Variants in QPCT observed in about 807,000 individuals in gnomAD.
The protein encoded by QPCT is EC.
QPCT carries 44 observed loss-of-function variants against 43.4 expected under a neutral mutation model. The observed-to-expected ratio is 1.01, with a 90% CI of 0.80 to 1.30. QPCT has a LOEUF of 1.30. Ranked by LOEUF, QPCT falls within the 50% of genes most tolerant of loss-of-function variation. The pLI, the probability that QPCT is intolerant of heterozygous loss-of-function variation, is 0.00. For synonymous variants in QPCT, 168 were observed against 168.4 expected (o/e 1.00, Z 0.02); for missense variants, 526 against 436.5 (o/e 1.21, Z -1.83).
chr2:37,369,865 A>T, intron 5 of QPCT, 81 bp downstream of exon 5: 1 of 1,369,326 alleles, frequency 7.3e-7, no homozygotes, highest in East Asian at 2.4e-5. Flanking sequence ...TAAAATTTAT[A>T]ATTTGGCTGG....
intron 1 of QPCT, among the ~76,000 whole-genome samples, chr2:37,347,194 C>CATAT (rs34463193): frequency 4.1e-5 from 2 of 48,806 alleles, no homozygotes; most frequent in Non-Finnish European, 6.8e-5. Context: ...ATATATATAA[C>CATAT]ATATATATAT....
intron 1 of QPCT, among the ~76,000 whole-genome samples, chr2:37,350,960 G>A (rs1011688801): frequency 6.6e-6 from 1 of 152,236 alleles, no homozygotes; most frequent in Non-Finnish European, 1.5e-5. Context: ...TTTACAGCTA[G>A]TAGGTGGTGG....
At chr2:37,358,656 G>T (rs1410596812) in intron 2 of QPCT, 1 of 152,196 alleles carries the variant, frequency 6.6e-6, no homozygotes, top group Non-Finnish European at 1.5e-5. Context: ...TCTTCTGTCA[G>T]TCACTGTGTT....
At chr2:37,368,494 CCAG>C in intron 4 of QPCT, 1 of 426,878 alleles carries the variant, frequency 2.3e-6, no homozygotes, top group South Asian at 1.8e-5. Flanking sequence ...TAGCTTATTC[CCAG>C]CACCCCCGCT....
intron 1 of QPCT, among the ~76,000 whole-genome samples, chr2:37,345,172 G>A (rs969035025): frequency 2.6e-5 from 4 of 152,176 alleles, no homozygotes; most frequent in Non-Finnish European, 4.4e-5. Context: ...GGGAGGCGAG[G>A]GCGCATCGCG....
At chr2:37,353,094 A>G (rs1019372648) in intron 2 of QPCT, among the ~76,000 whole-genome samples, 159 bp downstream of exon 2, 3 of 152,208 alleles carry the variant, frequency 2.0e-5, no homozygotes, top group African/African-American at 7.2e-5. Context: ...CTGAGAGTAC[A>G]TGTCTGTTCT....
intron 1 of QPCT, among the ~76,000 whole-genome samples, chr2:37,346,413 G>A (rs2372998): frequency 0.63 from 96,569 of 152,108 alleles, 31,656 homozygotes; most frequent in East Asian, 0.91. Flanking sequence ...ATTACAGACT[G>A]GAATATGGAG....
intron 4 of QPCT, chr2:37,368,435 G>A (rs974461799): frequency 5.9e-6 from 2 of 337,540 alleles, no homozygotes; most frequent in African/African-American, 4.4e-5. Context: ...GACTTCACTA[G>A]CCCCGGTGCC....
At chr2:37,364,975 C>T (rs1054776698) in intron 3 of QPCT, among the ~76,000 whole-genome samples, 2 of 147,846 alleles carry the variant, frequency 1.4e-5, no homozygotes, top group African/African-American at 5.0e-5. Flanking sequence ...CCAGCCTGGG[C>T]AACATACTAA....
intron 1 of QPCT, among the ~76,000 whole-genome samples, chr2:37,347,287 C>A (rs1390799089): frequency 7.4e-6 from 1 of 135,992 alleles, no homozygotes; most frequent in African/African-American, 2.9e-5. Flanking sequence ...AACTTCACAG[C>A]AAGCCCCATG....
rs1244639524 is a variant in QPCT, at chr2:37,347,179, A to ATC, written c.120+2328_120+2329insTC. Among the ~76,000 whole-genome samples the ATC allele has an allele frequency of 1.6e-4, 8 of 50,764 alleles. No homozygotes were observed. The South Asian group carries it at 4.5e-3, about 29-fold the overall frequency. 33.3% of individuals were successfully genotyped at this position (50,764 alleles called of 152,430 possible). A position where few individuals can be genotyped will look rare whatever the true frequency, so the allele number is the denominator to read the frequency against. ...ATATATATATAACATATATATATAT[A>ATC]ACATATATATATAACATATATATAT... On this transcript the variant is annotated intron_variant, in intron 1 of 6. Transcript: ENST00000338415.
intron 3 of QPCT, among the ~76,000 whole-genome samples, chr2:37,365,265 G>T (rs2124940692): frequency 6.6e-6 from 1 of 152,220 alleles, no homozygotes; most frequent in African/African-American, 2.4e-5. Context: ...TGCTAAGGTA[G>T]GAGGAATATG....
chr2:37,347,166 C>T (rs62133278), intron 1 of QPCT, among the ~76,000 whole-genome samples: 3,415 of 30,004 alleles, frequency 0.11, 609 homozygotes, highest in East Asian at 0.3. Context: ...ATATATATAA[C>T]ATATATATAT....
At position 37,371,110 on chromosome 2, in the gene QPCT, T is replaced by C. The variant is rs1348458127; in HGVS notation, c.824-1246T>C. Reference sequence around the variant, plus strand: ...AGGTGCATGTCATTGACAAATTTCATTTCCTAGTTTGAAAGAGTTACTCTA... The same window carrying C: ...AGGTGCATGTCATTGACAAATTTCACTTCCTAGTTTGAAAGAGTTACTCTA... On this transcript the variant is annotated intron_variant, in intron 5 of 6. Transcript: ENST00000338415. Among the ~76,000 whole-genome samples, 4 of 152,264 alleles carry C rather than the reference T, an allele frequency of 2.6e-5. No individual in the cohort carries two copies. In the East Asian group the frequency reaches 7.7e-4, roughly 29 times the overall value.
chr2:37,369,746 C>T lies in QPCT; in HGVS notation c.785C>T (p.Pro262Leu). 1.9e-6 allele frequency: 3 copies of T among 1,606,554 alleles called. No individual in the cohort carries two copies. Among genetic ancestry groups the T allele is most frequent in the Non-Finnish European group, 2.6e-6 (3 of 1,173,122 alleles). The change falls in exon 5 of 7, where the codon CCA becomes CTA. Residue 262 changes from proline (P) to leucine (L), a missense_variant. Physicochemically the swap from Pro to Leu is moderately conservative, Grantham distance 98. Transcript: ENST00000338415. ...AACCCAACGTTTCCCAATTTTTTTC[C>T]AAACTCAGCCAGGTGGTTCGAAAGA... ...APNPTFPNFFPNSARWFERLQ... is the reference protein window; with the variant it reads ...APNPTFPNFFLNSARWFERLQ...
chr2:37,359,370 G>A (rs1424454705), intron 2 of QPCT, among the ~76,000 whole-genome samples: 1 of 152,230 alleles, frequency 6.6e-6, no homozygotes, highest in African/African-American at 2.4e-5. Context: ...GGAGAGGCAA[G>A]AGGATTAGCT....
intron 3 of QPCT, among the ~76,000 whole-genome samples, chr2:37,363,834 T>A (rs1672904160): frequency 6.6e-6 from 1 of 152,064 alleles, no homozygotes; most frequent in Admixed American, 6.5e-5. Flanking sequence ...ACAGAACAAT[T>A]GGTCAATAAG....
chr2:37,359,534 A>G (rs746819903), intron 2 of QPCT, 46 bp from the exon 3 acceptor site: 1 of 1,543,400 alleles, frequency 6.5e-7, no homozygotes, highest in Non-Finnish European at 8.8e-7. Flanking sequence ...AACAAATGAA[A>G]GCCATTTCTT....
At chr2:37,345,379 G>A (rs1044305838) in intron 1 of QPCT, among the ~76,000 whole-genome samples, 1 of 152,198 alleles carries the variant, frequency 6.6e-6, no homozygotes, top group Admixed American at 6.5e-5. Flanking sequence ...GGAGCAACTC[G>A]GCAGGAAGGA....
Sources: allele counts gnomAD v4.1 joint callset (sites outside exome capture counted in the v4.1 genomes callset), GRCh38; gene constraint gnomAD v4.1.1; transcripts MANE v1.5; gene names NCBI Gene and HGNC (gene_info 2026-07-23, HGNC 2026-07-21).